KIF3A: variants seen among roughly 807,000 people sequenced by gnomAD.
KIF3A encodes the protein kinesin-like protein KIF3A.
Under a neutral mutation model 92.6 loss-of-function variants are expected in KIF3A, and 27 were observed. That is an observed-to-expected ratio of 0.29 (90% CI 0.21 to 0.40). KIF3A has a LOEUF of 0.40. Ranked by LOEUF, KIF3A falls within the 10% of genes least tolerant of loss-of-function variation. The pLI is 1.00. For missense variants in KIF3A, 581 were observed against 872.6 expected (o/e 0.67, Z 4.21); for synonymous variants, 250 against 275.4 (o/e 0.91, Z 0.92).
At chr5:132,702,537 G>T in intron 14 of KIF3A, 21 bp downstream of exon 14, 2 of 1,418,726 alleles carry the variant, frequency 1.4e-6, no homozygotes, top group South Asian at 1.3e-5. Context: ...GCATTAGTAG[G>T]TAATTTCTAA....
chr5:132,699,023 C>G, intron 18 of KIF3A, 148 bp downstream of exon 18: 1 of 794,524 alleles, frequency 1.3e-6, no homozygotes, highest in Non-Finnish European at 2.0e-6. Context: ...CAGGCGTGAG[C>G]CACTGTGCCC....
rs547427887 is a variant in KIF3A at position 132,710,383 on chromosome 5, G to C, written c.1228+576C>G. ...TGTAGTCCCAGCACTTTGGGAGGCCGAGGCAGATGGATCATGAGGTCAGGA... is the reference window on the plus strand; with the variant it reads ...TGTAGTCCCAGCACTTTGGGAGGCCCAGGCAGATGGATCATGAGGTCAGGA... On this transcript the variant is annotated intron_variant, in intron 9 of 18. Coordinates refer to ENST00000403231, the MANE Select transcript of KIF3A (RefSeq NM_001300791.2). Among the ~76,000 whole-genome samples, 3 of 152,180 alleles carry C rather than the reference G, an allele frequency of 2.0e-5. No individual in the cohort carries two copies. In the East Asian group the frequency reaches 5.8e-4, roughly 29 times the overall value.
intron 2 of KIF3A, among the ~76,000 whole-genome samples, chr5:132,729,123 CAG>C (rs897864478): frequency 2.4e-4 from 36 of 152,156 alleles, no homozygotes; most frequent in African/African-American, 7.5e-4. Context: ...TTTGGGAACT[CAG>C]GGGAAAGAGT....
At chr5:132,716,485 A>C in intron 6 of KIF3A, 43 bp from the exon 7 acceptor site, 1 of 1,478,950 alleles carries the variant, frequency 6.8e-7, no homozygotes, top group East Asian at 2.3e-5. Flanking sequence ...AATTTTTTTA[A>C]AAATAGAATA....
At position 132,696,954 on chromosome 5, in the gene KIF3A, T is replaced by A. The variant is rs569912321; in HGVS notation, c.2133-272A>T. 2.0e-4 allele frequency among the ~76,000 whole-genome samples: 30 copies of A among 152,320 alleles called. No homozygotes were observed. In the East Asian group the frequency reaches 5.4e-3, roughly 27 times the overall value. ...TGATAATTTCCAAGACTAGACTAGGTCATGTGGCCAGGCCAAGTGAGCTGC... is the reference window on the plus strand; with the variant it reads ...TGATAATTTCCAAGACTAGACTAGGACATGTGGCCAGGCCAAGTGAGCTGC... On this transcript the variant is annotated intron_variant, in intron 18 of 18. Coordinates refer to ENST00000403231, the MANE Select transcript of KIF3A (RefSeq NM_001300791.2).
chr5:132,710,866 A>T, intron 9 of KIF3A, 93 bp downstream of exon 9: 1 of 1,546,046 alleles, frequency 6.5e-7, no homozygotes, highest in Non-Finnish European at 8.8e-7. Flanking sequence ...TATCTAATAT[A>T]TTAAACAGAT....
rs762773513 is a variant in KIF3A, at chr5:132,702,548, G to A, written c.1758+10C>T. 6 of 1,541,160 alleles carry A rather than the reference G, an allele frequency of 3.9e-6. No homozygotes were observed. The highest frequency in any genetic ancestry group is 5.3e-6 in the Non-Finnish European group (6 of 1,132,096). Reference sequence around the variant, plus strand: ...AACTGCATTAGTAGGTAATTTCTAAGAGAACCAACCTCTGACTTTGCAGCC... The same window carrying A: ...AACTGCATTAGTAGGTAATTTCTAAAAGAACCAACCTCTGACTTTGCAGCC... On this transcript the variant is annotated intron_variant, in intron 14 of 18. Transcript: ENST00000403231.
chr5:132,716,086 C>T (rs1183994221), intron 7 of KIF3A, among the ~76,000 whole-genome samples, 155 bp from the exon 8 acceptor site: 1 of 152,274 alleles, frequency 6.6e-6, no homozygotes, highest in African/African-American at 2.4e-5. Context: ...CCAAAGGACA[C>T]TATTATGGGC....
chr5:132,689,568 A>C (rs1752614614), downstream of KIF3A: 1 of 152,230 alleles, frequency 6.6e-6, no homozygotes, highest in African/African-American at 2.4e-5. Flanking sequence ...CTGATATAAT[A>C]ATCTGGTACT....
At chr5:132,696,751 T>G in intron 18 of KIF3A, 69 bp from the exon 19 acceptor site, 1 of 1,222,342 alleles carries the variant, frequency 8.2e-7, no homozygotes, top group Non-Finnish European at 1.2e-6. Flanking sequence ...CATTTAACAT[T>G]ATATAGAAAC....
intron 1 of KIF3A, 47 bp downstream of exon 1, chr5:132,737,367 G>A: frequency 1.3e-6 from 2 of 1,585,466 alleles, no homozygotes; most frequent in Admixed American, 1.8e-5. Flanking sequence ...CCCGGGCCAG[G>A]CCGCTAGGAT....
intron 4 of KIF3A, among the ~76,000 whole-genome samples, chr5:132,724,834 TATATATATATATATATATATATTA>T (rs1186719249): frequency 0.021 from 613 of 29,470 alleles, 41 homozygotes; most frequent in Non-Finnish European, 0.053. Flanking sequence ...TATATATATA[TATATATATATATATATATATATTA>T]AAAAATCATT....
At chr5:132,711,239 A>G (rs1003242353) in intron 8 of KIF3A, among the ~76,000 whole-genome samples, 182 bp from the exon 9 acceptor site, 2 of 152,212 alleles carry the variant, frequency 1.3e-5, no homozygotes, top group African/African-American at 4.8e-5. Flanking sequence ...TGAGATATCC[A>G]AAAAGACTTT....
intron 4 of KIF3A, 100 bp from the exon 5 acceptor site, chr5:132,720,814 A>G: frequency 1.5e-6 from 1 of 654,848 alleles, no homozygotes; most frequent in Non-Finnish European, 2.6e-6. Context: ...CAGAGGGAAT[A>G]TACTGATAAG....
chr5:132,723,653 G>A (rs1367021887), intron 4 of KIF3A: 4 of 152,172 alleles, frequency 2.6e-5, no homozygotes, highest in Non-Finnish European at 4.4e-5. Context: ...ATTAATTCAA[G>A]ATGGATTAAA....
intron 2 of KIF3A, among the ~76,000 whole-genome samples, chr5:132,733,715 T>C (rs1754308223): frequency 6.6e-6 from 1 of 152,168 alleles, no homozygotes; most frequent in Non-Finnish European, 1.5e-5. Flanking sequence ...CAGTAAGCTA[T>C]GACTGCACCA....
Position 132,711,048 on chromosome 5 carries a change from AT to A in KIF3A, c.1138del (p.Ile380TyrfsTer45). 1 of 1,611,146 alleles carries A rather than the reference AT, an allele frequency of 6.2e-7. No homozygotes were observed. The highest frequency in any genetic ancestry group is 8.5e-7 in the Non-Finnish European group (1 of 1,177,418). ...TGACCCACTGATATCAGAGCCTGAT[AT>A]TTCTTCTCCTTGGACAGAAATTTAA... is the stretch of plus-strand genomic sequence containing the variant. ...LKKKLEEGEE[I>X]SGSDISGSEE... On this transcript the variant is annotated frameshift_variant, in exon 9 of 19. Transcript: ENST00000403231. LOFTEE classifies it high-confidence loss of function.
At chr5:132,707,629 A>G (rs1411170664) in intron 10 of KIF3A, among the ~76,000 whole-genome samples, 1 of 152,218 alleles carries the variant, frequency 6.6e-6, no homozygotes, top group African/African-American at 2.4e-5. Context: ...TTATCCTTTG[A>G]AATGAATTGT....
chr5:132,711,081 G>T (rs1206612048), intron 8 of KIF3A, 24 bp from the exon 9 acceptor site: 3 of 1,605,056 alleles, frequency 1.9e-6, no homozygotes, highest in East Asian at 2.2e-5. Context: ...TTAATACAAT[G>T]TTTTTTATCC....
Sources: allele counts gnomAD v4.1 joint callset (sites outside exome capture counted in the v4.1 genomes callset), GRCh38; gene constraint gnomAD v4.1.1; transcripts MANE v1.5; gene names NCBI Gene and HGNC (gene_info 2026-07-23, HGNC 2026-07-21).